The following TRAF3IP1 variants were observed in gnomAD, a reference collection of about 807,000 sequenced individuals.
TRAF3IP1 encodes intraflagellar transport 54, also known as TRAF3-interacting protein 1.
Under a neutral mutation model 89.9 loss-of-function variants are expected in TRAF3IP1, and 53 were observed. The observed-to-expected ratio is 0.59, with a 90% CI of 0.47 to 0.74. TRAF3IP1 has a LOEUF of 0.74. Ranked by LOEUF, TRAF3IP1 falls within the 30% of genes least tolerant of loss-of-function variation. TRAF3IP1 has a pLI of 0.00. For synonymous variants in TRAF3IP1, 311 were observed against 322.1 expected, an observed-to-expected ratio of 0.97 and a Z score of 0.37; for missense variants, 806 against 866.1, an observed-to-expected ratio of 0.93 and a Z score of 0.87.
intron 5 of TRAF3IP1, among the ~76,000 whole-genome samples, chr2:238,330,172 C>G (rs1480360732): frequency 6.6e-6 from 1 of 152,118 alleles, no homozygotes; most frequent in African/African-American, 2.4e-5. Flanking sequence ...CATGTGGTGT[C>G]TTTAGGAGCA....
chr2:238,353,266 C>T, intron 14 of TRAF3IP1, 57 bp downstream of exon 14: 1 of 1,591,372 alleles, frequency 6.3e-7, no homozygotes, highest in South Asian at 1.1e-5. Context: ...CATGCACCTT[C>T]TCCACGTGGG....
intron 4 of TRAF3IP1, 40 bp from the exon 5 acceptor site, chr2:238,328,886 G>A (rs1370985814): frequency 6.3e-7 from 1 of 1,587,800 alleles, no homozygotes; most frequent in African/African-American, 1.4e-5. Context: ...TTGTAGTTTA[G>A]GTAAAAATAT....
intron 3 of TRAF3IP1, among the ~76,000 whole-genome samples, chr2:238,327,066 T>C (rs1377042710): frequency 6.6e-6 from 1 of 152,230 alleles, no homozygotes; most frequent in East Asian, 1.9e-4. Flanking sequence ...GTGAGGCTCC[T>C]AGAGACCTGC....
intron 8 of TRAF3IP1, among the ~76,000 whole-genome samples, chr2:238,343,592 C>T (rs1698757083): frequency 6.6e-6 from 1 of 151,602 alleles, no homozygotes; most frequent in South Asian, 2.1e-4. Context: ...AGGCTGGTGC[C>T]TGCCTTGGCC....
At chr2:238,364,437 A>G (rs1699791112) in intron 15 of TRAF3IP1, among the ~76,000 whole-genome samples, 1 of 151,926 alleles carries the variant, frequency 6.6e-6, no homozygotes, top group Non-Finnish European at 1.5e-5. Flanking sequence ...TTTATGAAGA[A>G]GTTTTTGAAA....
rs552474945 is a variant in TRAF3IP1 at position 238,351,272 on chromosome 2, G to A, written c.1452-1555G>A. ...AAATCACAAGTAAGACAGGAGCACC[G>A]TTGGTGAGAGTGGCGGGTCCAGGAG... On this transcript the variant is annotated intron_variant, in intron 12 of 16. Coordinates refer to ENST00000373327, the MANE Select transcript of TRAF3IP1 (RefSeq NM_015650.4). This position sits in a 1 kb window ranked among gnomAD's most constrained non-coding sequence, Gnocchi z 5.2. Among the ~76,000 whole-genome samples the A allele has an allele frequency of 3.9e-5, 6 of 152,242 alleles. No homozygotes were observed. The highest frequency in any genetic ancestry group is 1.4e-4 in the African/African-American group (6 of 41,520).
chr2:238,340,407 C>T (rs1698585527), intron 8 of TRAF3IP1, among the ~76,000 whole-genome samples: 1 of 152,272 alleles, frequency 6.6e-6, no homozygotes, highest in East Asian at 1.9e-4. Flanking sequence ...CTGACTGACC[C>T]GGCCCTCGTG....
intron 15 of TRAF3IP1, among the ~76,000 whole-genome samples, chr2:238,356,945 A>AT (rs1699441401): frequency 6.6e-6 from 1 of 151,824 alleles, no homozygotes; most frequent in African/African-American, 2.4e-5. Flanking sequence ...CTCCTAGCTA[A>AT]TATTTTGTAT....
At chr2:238,325,094 C>T (rs923132614) in intron 1 of TRAF3IP1, among the ~76,000 whole-genome samples, 2 of 152,216 alleles carry the variant, frequency 1.3e-5, no homozygotes, top group Admixed American at 6.5e-5. Context: ...CTTTACCTGT[C>T]TGTCCACACA....
chr2:238,381,900 G>T (rs1053997550), intron 15 of TRAF3IP1, among the ~76,000 whole-genome samples: 3 of 152,136 alleles, frequency 2.0e-5, no homozygotes, highest in African/African-American at 7.2e-5. Flanking sequence ...GGCTGAGAAG[G>T]AAAGGGGCTG....
intron 7 of TRAF3IP1, among the ~76,000 whole-genome samples, chr2:238,336,098 TG>T (rs1156391368): frequency 6.6e-6 from 1 of 152,186 alleles, no homozygotes; most frequent in Non-Finnish European, 1.5e-5. Flanking sequence ...GGCCTGTTGT[TG>T]CCTCTTAATC....
chr2:238,331,941 G>T (rs1286746334), intron 5 of TRAF3IP1, among the ~76,000 whole-genome samples: 1 of 152,144 alleles, frequency 6.6e-6, no homozygotes, highest in Non-Finnish European at 1.5e-5. Context: ...GCTACCTCAT[G>T]GGCTTTTGCG....
At chr2:238,370,620 T>C (rs1292556653) in intron 15 of TRAF3IP1, among the ~76,000 whole-genome samples, 2 of 152,190 alleles carry the variant, frequency 1.3e-5, no homozygotes, top group Non-Finnish European at 2.9e-5. Context: ...GCCCACTTCA[T>C]GGCTTCAGGA....
intron 15 of TRAF3IP1, among the ~76,000 whole-genome samples, chr2:238,385,991 T>G (rs1371861267): frequency 6.6e-6 from 1 of 152,236 alleles, no homozygotes; most frequent in Admixed American, 6.5e-5. Context: ...ATCTTGAAAT[T>G]TAAAACATTT....
rs1308235657 is a variant in TRAF3IP1 at position 238,398,906 on chromosome 2, C to G, written c.2063C>G (p.Thr688Ser). ...AAAATGGTATATAGTATCAATTTGACTTCGAGAAGGTGAACACTCAAAAGT... is the reference window on the plus strand; with the variant it reads ...AAAATGGTATATAGTATCAATTTGAGTTCGAGAAGGTGAACACTCAAAAGT... ...IQKMVYSINL[T>S]SRR Residue 688 changes from threonine to serine, a missense_variant, in exon 17 of 17, where the codon ACT (threonine) becomes AGT (serine). Thr to Ser is a moderately conservative substitution (Grantham distance 58, BLOSUM62 1). Transcript: ENST00000373327. The G allele has an allele frequency of 6.2e-7, 1 of 1,603,178 alleles. No homozygotes were observed. Among genetic ancestry groups the G allele is most frequent in the South Asian group, 1.1e-5 (1 of 88,238 alleles).
At position 238,329,138 on chromosome 2, in the gene TRAF3IP1, G is replaced by C. The variant is rs1338311581; in HGVS notation, c.711G>C (p.Arg237Ser). ...DNERQKDRGN[R>S]ERDRDSERKK... is the part of the protein sequence containing the mutation. ...AGCGACAGAAAGACAGAGGCAACAG[G>C]GAGCGGGACAGAGACTCCGAGCGCA... Residue 237 changes from arginine (R) to serine (S), a missense_variant, in exon 5 of 17, where the codon AGG becomes AGC. By Grantham distance (110) the Arg-to-Ser change is moderately radical (BLOSUM62 -1). This residue lies in a region of TRAF3IP1 where 732 missense variants were observed against 780.5 expected (regional missense o/e 0.94). Coordinates refer to ENST00000373327, the MANE Select transcript of TRAF3IP1 (RefSeq NM_015650.4). 5 of 1,550,956 alleles carry C rather than the reference G, an allele frequency of 3.2e-6. No individual in the cohort carries two copies.
In TRAF3IP1 at chr2:238,384,384, A is replaced by ATGTATG. The variant is rs1472029617; in HGVS notation, c.1690-13074_1690-13073insGTATGT. On this transcript the variant is annotated intron_variant, in intron 15 of 16. Transcript: ENST00000373327. ...TGTATGTATGTATGTATGTATGTAT[A>ATGTATG]TATATATATATGGAGTCTTGCTCTG... is the stretch of plus-strand genomic sequence containing the variant. Among the ~76,000 whole-genome samples, 65 of 87,086 alleles carry ATGTATG rather than the reference A, an allele frequency of 7.5e-4. 1 individual carries two copies. The highest frequency in any genetic ancestry group is 2.5e-3 in the African/African-American group (57 of 22,432). The allele number at this position is 87,086 out of a possible 152,430, so 57.1% of individuals were successfully genotyped here.
intron 13 of TRAF3IP1, 95 bp downstream of exon 13, chr2:238,353,045 C>T: frequency 1.3e-6 from 2 of 1,526,880 alleles, no homozygotes; most frequent in East Asian, 2.3e-5. Flanking sequence ...ACAAAAATGT[C>T]CTGTAATTTT....
intron 14 of TRAF3IP1, 108 bp from the exon 15 acceptor site, chr2:238,355,896 A>G (rs1699382600): frequency 1.3e-6 from 1 of 768,206 alleles, no homozygotes; most frequent in African/African-American, 1.8e-5. Context: ...TCAGCATAAA[A>G]AGAGATAGGA....
Sources: allele counts gnomAD v4.1 joint callset (sites outside exome capture counted in the v4.1 genomes callset), GRCh38; gene constraint gnomAD v4.1.1; regional missense constraint gnomAD v4.1.1; non-coding constraint Gnocchi (gnomAD v3.1); transcripts MANE v1.5; gene names NCBI Gene and HGNC (gene_info 2026-07-23, HGNC 2026-07-21).